The following CELF2 variants were observed in gnomAD, a reference collection of about 807,000 sequenced individuals.
CELF2 encodes the protein CUG triplet repeat RNA-binding protein 2.
In CELF2, 8 loss-of-function variants were observed where a neutral mutation model predicts 62.6. That is an observed-to-expected ratio of 0.13 (90% CI 0.07 to 0.23). The LOEUF (loss-of-function observed/expected upper bound fraction) is 0.23. CELF2 is among the 10% of genes least tolerant of loss of function. The pLI is 1.00. For synonymous variants in CELF2, 258 were observed against 250.0 expected, an observed-to-expected ratio of 1.03 and a Z score of -0.30; for missense variants, 333 against 671.0, an observed-to-expected ratio of 0.50 and a Z score of 5.56.
In CELF2 at chr10:10,956,630, G is replaced by A. The variant is rs540079588; in HGVS notation, c.89+36631G>A. On this transcript the variant is annotated intron_variant, in intron 2 of 13. Coordinates refer to the CELF2 transcript ENST00000636488. Reference sequence around the variant, plus strand: ...GGAACTGCCATATGCAAAGGGACCCGCAAAAGTGGGTTGCTGGCTGGGCAC... The same window carrying A: ...GGAACTGCCATATGCAAAGGGACCCACAAAAGTGGGTTGCTGGCTGGGCAC... Among the ~76,000 whole-genome samples, 13 of 152,266 alleles carry A rather than the reference G, an allele frequency of 8.5e-5. No individual in the cohort carries two copies. The South Asian group carries it at 1.7e-3, about 19-fold the overall frequency.
the CELF2 span, among the ~76,000 whole-genome samples, chr10:10,619,640 T>G: frequency 6.6e-6 from 1 of 152,172 alleles, no homozygotes; most frequent in Non-Finnish European, 1.5e-5. Context: ...GCGTAGCATT[T>G]ATGACCACTG....
At chr10:10,933,525 A>AGG (rs2066312962) in intron 2 of CELF2, among the ~76,000 whole-genome samples, 3 of 152,160 alleles carry the variant, frequency 2.0e-5, no homozygotes, top group Non-Finnish European at 2.9e-5. Flanking sequence ...CTATTATGCA[A>AGG]TAGAGCAACA....
the CELF2 span, among the ~76,000 whole-genome samples, chr10:10,614,272 C>CTTACATTGAA: frequency 6.6e-6 from 1 of 152,140 alleles, no homozygotes. Context: ...ACATTGAACA[C>CTTACATTGAA]CAATTAGATG....
the CELF2 span, among the ~76,000 whole-genome samples, chr10:10,671,205 A>T: frequency 1.5e-5 from 1 of 68,806 alleles, no homozygotes; most frequent in South Asian, 1.0e-3. Context: ...TATCTGTCTC[A>T]AAAAAAAAAA....
At chr10:10,618,438 T>A in the CELF2 span, among the ~76,000 whole-genome samples, 1 of 152,146 alleles carries the variant, frequency 6.6e-6, no homozygotes, top group East Asian at 1.9e-4. Flanking sequence ...ATTTTTCTGA[T>A]GAAATCTCAC....
intron 1 of CELF2, among the ~76,000 whole-genome samples, chr10:11,146,251 C>T (rs2062252031): frequency 6.6e-6 from 1 of 152,178 alleles, no homozygotes; most frequent in Admixed American, 6.5e-5. Flanking sequence ...CAAATAATGA[C>T]ACCTTATTAG....
At chr10:11,096,304 C>A (rs936454931) in intron 1 of CELF2, 4 of 152,324 alleles carry the variant, frequency 2.6e-5, no homozygotes, top group African/African-American at 7.2e-5. Flanking sequence ...TGTCTTACCT[C>A]TAATTTGCAT....
intron 5 of CELF2, among the ~76,000 whole-genome samples, chr10:11,261,344 G>C (rs183656386): frequency 6.6e-6 from 1 of 151,512 alleles, no homozygotes; most frequent in South Asian, 2.1e-4. Context: ...CCCCCACTGT[G>C]TCAGAGAGGT....
chr10:10,714,105 C>T, the CELF2 span, among the ~76,000 whole-genome samples: 1 of 152,064 alleles, frequency 6.6e-6, no homozygotes, highest in Admixed American at 6.6e-5. Flanking sequence ...CACGAAGACC[C>T]TACTTTCAGG....
rs200701199 is a variant in CELF2 at position 11,278,349 on chromosome 10, C to CT, written c.841+3234dup. 2.7e-3 allele frequency among the ~76,000 whole-genome samples: 413 copies of CT among 152,280 alleles called. 5 individuals are homozygous for CT. The highest frequency in any genetic ancestry group is 9.4e-3 in the African/African-American group (391 of 41,546). On this transcript the variant is annotated intron_variant, in intron 8 of 12. Coordinates refer to ENST00000633077, the MANE Select transcript of CELF2 (RefSeq NM_001326342.2). ...TATAAATTGACGGCTTTTATATCTA[C>CT]TTTTTGTGCCTCCTTGGAGTTGGTT... is the stretch of plus-strand genomic sequence containing the variant.
the CELF2 span, among the ~76,000 whole-genome samples, chr10:10,705,815 G>C: frequency 1.3e-5 from 2 of 152,252 alleles, no homozygotes; most frequent in Middle Eastern, 3.4e-3. Flanking sequence ...AAGTCTGTGT[G>C]TCCCAGTTCG....
In CELF2 at chr10:11,328,848, C is replaced by A; in HGVS notation, c.1439-78C>A. The A allele has an allele frequency of 1.3e-6, 2 of 1,508,614 alleles. No homozygotes were observed. Among genetic ancestry groups the A allele is most frequent in the Non-Finnish European group, 1.8e-6 (2 of 1,117,552 alleles). 93.5% of individuals were successfully genotyped at this position (1,508,614 alleles called of 1,614,324 possible). ...CACCTCATGCTGGCTCTTCAGCCTT[C>A]CCCAGAGCTCCAGCCCCCTTTTCTG... On this transcript the variant is annotated intron_variant, in intron 12 of 12. Transcript: ENST00000633077. This position sits in a 1 kb window ranked among gnomAD's most constrained non-coding sequence, Gnocchi z 6.4.
the CELF2 span, among the ~76,000 whole-genome samples, chr10:10,674,482 G>A: frequency 6.6e-6 from 1 of 152,262 alleles, no homozygotes; most frequent in East Asian, 1.9e-4. Context: ...AACAGTCTGT[G>A]TTTTCATTGC....
At chr10:10,743,623 T>C in the CELF2 span, among the ~76,000 whole-genome samples, 4 of 152,238 alleles carry the variant, frequency 2.6e-5, no homozygotes, top group South Asian at 8.3e-4. Context: ...ATTTATTTAG[T>C]GCACGGGCAG....
the CELF2 span, among the ~76,000 whole-genome samples, chr10:10,567,893 T>C: frequency 7.4e-4 from 113 of 152,276 alleles, 1 homozygote; most frequent in Non-Finnish European, 1.4e-3. Context: ...GATTCCTTCA[T>C]TCATTCATTC....
At chr10:10,516,979 C>A in the CELF2 span, among the ~76,000 whole-genome samples, 1 of 152,098 alleles carries the variant, frequency 6.6e-6, no homozygotes, top group Admixed American at 6.6e-5. Context: ...TTTGAGAGAA[C>A]CGTAGGATCC....
intron 1 of CELF2, among the ~76,000 whole-genome samples, chr10:10,873,078 A>G (rs1407291757): frequency 6.6e-6 from 1 of 152,174 alleles, no homozygotes; most frequent in Non-Finnish European, 1.5e-5. Flanking sequence ...CGGCTTATGT[A>G]CACACATATA....
chr10:11,043,535 C>A (rs900502112), intron 1 of CELF2, among the ~76,000 whole-genome samples: 7 of 152,082 alleles, frequency 4.6e-5, no homozygotes, highest in African/African-American at 1.7e-4. Flanking sequence ...TACTTGGATG[C>A]CTACATGGTT....
chr10:10,519,765 C>T, the CELF2 span, among the ~76,000 whole-genome samples: 4 of 152,264 alleles, frequency 2.6e-5, no homozygotes, highest in South Asian at 2.1e-4. Flanking sequence ...CCTTTACCTG[C>T]GTTCACCATT....
Sources: allele counts gnomAD v4.1 joint callset (sites outside exome capture counted in the v4.1 genomes callset), GRCh38; gene constraint gnomAD v4.1.1; non-coding constraint Gnocchi (gnomAD v3.1); transcripts MANE v1.5; gene names NCBI Gene and HGNC (gene_info 2026-07-23, HGNC 2026-07-21).